PRPSAP2: variants seen among roughly 807,000 people sequenced by gnomAD.
PRPSAP2 encodes the protein phosphoribosyl pyrophosphate synthase-associated protein 2.
In PRPSAP2, 24 loss-of-function variants were observed where a neutral mutation model predicts 40.6. That is an observed-to-expected ratio of 0.59 (90% CI 0.43 to 0.83). The LOEUF (loss-of-function observed/expected upper bound fraction) is 0.83, where lower values mean the gene tolerates loss of function less well. Ranked by LOEUF, PRPSAP2 falls within the 40% of genes least tolerant of loss-of-function variation. PRPSAP2 has a pLI of 0.00. For synonymous variants in PRPSAP2, 149 were observed against 164.7 expected (o/e 0.90, Z 0.73); for missense variants, 292 against 465.6 (o/e 0.63, Z 3.43).
chr17:18,899,137 C>T (rs975398924), intron 8 of PRPSAP2, among the ~76,000 whole-genome samples: 10 of 152,212 alleles, frequency 6.6e-5, no homozygotes, highest in Non-Finnish European at 1.5e-5. Flanking sequence ...CTTCCGACCT[C>T]AGGTGATCCA....
chr17:18,893,153 C>CT lies in PRPSAP2; in HGVS notation c.584+3295dup, dbSNP rs71355574. Among the ~76,000 whole-genome samples, 448 of 124,984 alleles carry CT rather than the reference C, an allele frequency of 3.6e-3. 4 individuals carry two copies. Among genetic ancestry groups the CT allele is most frequent in the East Asian group, 6.7e-3 (29 of 4,310 alleles). 82.0% of individuals were successfully genotyped at this position (124,984 alleles called of 152,430 possible). ...TCAATGCTGATAAAGTTCAATTTAT[C>CT]TTTTTTTTTTTTTTTTTTTGAGACG... On this transcript the variant is annotated intron_variant, in intron 8 of 11. Coordinates refer to ENST00000268835, the MANE Select transcript of PRPSAP2 (RefSeq NM_002767.4).
chr17:18,879,598 C>T (rs1312241700), intron 6 of PRPSAP2, among the ~76,000 whole-genome samples: 7 of 151,952 alleles, frequency 4.6e-5, no homozygotes, highest in Non-Finnish European at 8.8e-5. Context: ...GGATTACTGG[C>T]GCCCACCACC....
rs139188757 is a variant in PRPSAP2 at position 18,919,798 on chromosome 17, A to G, written c.734-4116A>G. Among the ~76,000 whole-genome samples the G allele has an allele frequency of 2.6e-5, 4 of 152,380 alleles. No homozygotes were observed. In the East Asian group the frequency reaches 5.8e-4, roughly 22 times the overall value. ...GAGAAAGCGACTTCCCTGCAGTCAC[A>G]TAGTGACAAGCTGGACATGTCTGAC... On this transcript the variant is annotated intron_variant, in intron 9 of 11. Transcript: ENST00000268835.
intron 5 of PRPSAP2, among the ~76,000 whole-genome samples, chr17:18,875,835 T>C (rs919681143): frequency 8.3e-5 from 11 of 131,874 alleles, no homozygotes; most frequent in African/African-American, 2.4e-4. Context: ...GGCTGGGTGA[T>C]AGAGTGAGAC....
rs183616100 is a variant in PRPSAP2, at chr17:18,930,271, G to C, written c.952-269G>C. ...GCCTGTCGTCCCAGCTTACTTGGGA[G>C]GCTGAAGCAGGAGAATGGCATGAAC... On this transcript the variant is annotated intron_variant, in intron 11 of 11. Coordinates refer to ENST00000268835, the MANE Select transcript of PRPSAP2 (RefSeq NM_002767.4). Among the ~76,000 whole-genome samples, 55 of 152,316 alleles carry C rather than the reference G, an allele frequency of 3.6e-4. No homozygotes were observed. The East Asian group carries it at 9.3e-3, about 26-fold the overall frequency.
chr17:18,877,646 G>A, intron 5 of PRPSAP2, 52 bp from the exon 6 acceptor site: 3 of 1,520,178 alleles, frequency 2.0e-6, no homozygotes, highest in East Asian at 2.3e-5. Flanking sequence ...TTTGGAACAG[G>A]GAATACTGTG....
At chr17:18,898,443 C>A (rs1354594092) in intron 8 of PRPSAP2, among the ~76,000 whole-genome samples, 1 of 152,166 alleles carries the variant, frequency 6.6e-6, no homozygotes, top group Non-Finnish European at 1.5e-5. Context: ...TAGAGTACCT[C>A]CTTTTGCCGC....
In PRPSAP2 at chr17:18,877,797, C is replaced by T. The variant is rs376881433; in HGVS notation, c.339C>T (p.Tyr113=). Residue 113 remains tyrosine, a synonymous_variant, in exon 6 of 12, where the codon TAC becomes TAT. Transcript: ENST00000268835. ...SIIGVIPYFP[Y]SKQCKMRKRG... ...TTGGCGTGATACCCTACTTTCCTTACAGCAAGCAGTGCAAGATGAGAAAAA... is the reference window on the plus strand; with the variant it reads ...TTGGCGTGATACCCTACTTTCCTTATAGCAAGCAGTGCAAGATGAGAAAAA... 6.2e-7 allele frequency: 1 copy of T among 1,613,854 alleles called. No homozygotes were observed. Among genetic ancestry groups the T allele is most frequent in the Admixed American group, 1.7e-5 (1 of 60,002 alleles).
chr17:18,918,737 G>T (rs1286001760), intron 9 of PRPSAP2, among the ~76,000 whole-genome samples: 2 of 152,186 alleles, frequency 1.3e-5, no homozygotes, highest in Admixed American at 1.3e-4. Flanking sequence ...GTCCAGTCGG[G>T]TGGCCACTGG....
At chr17:18,872,968 G>T (rs557326762) in intron 5 of PRPSAP2, among the ~76,000 whole-genome samples, 2 of 150,696 alleles carry the variant, frequency 1.3e-5, no homozygotes, top group South Asian at 4.2e-4. Context: ...TCAGCCTCCC[G>T]AGTAGCTGGT....
intron 1 of PRPSAP2, among the ~76,000 whole-genome samples, chr17:18,860,218 C>T (rs2036901624): frequency 6.6e-6 from 1 of 152,066 alleles, no homozygotes; most frequent in Non-Finnish European, 1.5e-5. Context: ...TGCCACCACA[C>T]CTGGCTCATT....
At chr17:18,926,566 C>T (rs1325124295) in intron 10 of PRPSAP2, among the ~76,000 whole-genome samples, 2 of 152,084 alleles carry the variant, frequency 1.3e-5, no homozygotes, top group South Asian at 2.1e-4. Context: ...TGCACCCAGC[C>T]GCCAGTGCAT....
intron 4 of PRPSAP2, among the ~76,000 whole-genome samples, chr17:18,869,894 C>T (rs1314991585): frequency 6.9e-6 from 1 of 144,806 alleles, no homozygotes; most frequent in Non-Finnish European, 1.5e-5. Flanking sequence ...ATTGCCCAGG[C>T]TGGAGTACAG....
In PRPSAP2 at chr17:18,882,576, CATCTT is replaced by C. The variant is rs2038839576; in HGVS notation, c.424_428del (p.Leu142TyrfsTer18). 1 of 1,565,106 alleles carries C rather than the reference CATCTT, an allele frequency of 6.4e-7. No individual in the cohort carries two copies. The highest frequency in any genetic ancestry group is 8.8e-7 in the Non-Finnish European group (1 of 1,136,742). Reference sequence around the variant, plus strand: ...CTGCTTTATTTTCAAAGGTCTAACTCATCTTATTACTATGGATTTACACCAGAAGG... The same window carrying C: ...CTGCTTTATTTTCAAAGGTCTAACTCATTACTATGGATTTACACCAGAAGG... On this transcript the variant is annotated frameshift_variant, in exon 7 of 12. Coordinates refer to ENST00000268835, the MANE Select transcript of PRPSAP2 (RefSeq NM_002767.4). LOFTEE classifies it high-confidence loss of function.
chr17:18,911,044 G>A lies in PRPSAP2; in HGVS notation c.585-59G>A, dbSNP rs1023779437. The A allele has an allele frequency of 1.5e-5, 23 of 1,522,060 alleles. No homozygotes were observed. In the South Asian group the frequency reaches 2.6e-4, roughly 17 times the overall value. 94.3% of individuals were successfully genotyped at this position (1,522,060 alleles called of 1,614,324 possible). ...GTTCTCTTAATGTTTTGTCCCCTAG[G>A]CATTAGCAGAACCAAGGGCTGCATG... On this transcript the variant is annotated intron_variant, in intron 8 of 11. Coordinates refer to ENST00000268835, the MANE Select transcript of PRPSAP2 (RefSeq NM_002767.4). This position sits in a 1 kb window ranked among gnomAD's most constrained non-coding sequence, Gnocchi z 4.5.
upstream of PRPSAP2, among the ~76,000 whole-genome samples, chr17:18,856,856 T>C (rs1012220186): frequency 2.0e-5 from 3 of 152,182 alleles, no homozygotes; most frequent in African/African-American, 4.8e-5. Context: ...CTTGTGAGGA[T>C]TAAATAAGTT....
intron 4 of PRPSAP2, among the ~76,000 whole-genome samples, chr17:18,868,483 G>GA (rs777650890): frequency 1.7e-3 from 227 of 133,422 alleles, no homozygotes; most frequent in South Asian, 8.8e-3. Context: ...TGTCTCAGGG[G>GA]AAAAAAAAAA....
chr17:18,915,502 T>C (rs1007600186), intron 9 of PRPSAP2, among the ~76,000 whole-genome samples: 2 of 152,154 alleles, frequency 1.3e-5, no homozygotes, highest in Admixed American at 1.3e-4. Context: ...TAGCTCACAG[T>C]TCTTCGGGCT....
At chr17:18,893,590 A>T (rs1340279195) in intron 8 of PRPSAP2, among the ~76,000 whole-genome samples, 1 of 103,866 alleles carries the variant, frequency 9.6e-6, no homozygotes, top group Non-Finnish European at 2.2e-5. Context: ...CCTCGTTTTT[A>T]AGAAAAAAAA....
Sources: gnomAD v4.1 joint callset for allele counts (sites outside exome capture counted in the v4.1 genomes callset) on GRCh38, gnomAD v4.1.1 for gene constraint, Gnocchi (gnomAD v3.1) non-coding constraint, MANE v1.5 for transcripts, NCBI Gene and HGNC (gene_info 2026-07-23, HGNC 2026-07-21) for gene names.